The following SLC37A3 variants were observed in gnomAD, a reference collection of about 807,000 sequenced individuals.
The protein encoded by SLC37A3 is sugar phosphate exchanger 3.
Under a neutral mutation model 67.1 loss-of-function variants are expected in SLC37A3, and 51 were observed. The ratio of observed to expected loss-of-function variants is 0.76; its 90% CI spans 0.61 to 0.96. The LOEUF (loss-of-function observed/expected upper bound fraction) is 0.96, where lower values mean the gene tolerates loss of function less well. Ranked by LOEUF, SLC37A3 falls within the 40% of genes least tolerant of loss-of-function variation. The pLI, the probability that SLC37A3 is intolerant of heterozygous loss-of-function variation, is 0.00. For missense variants in SLC37A3, 508 were observed against 603.0 expected, an observed-to-expected ratio of 0.84 and a Z score of 1.65; for synonymous variants, 214 against 231.4, an observed-to-expected ratio of 0.92 and a Z score of 0.68.
At position 140,367,986 on chromosome 7, in the gene SLC37A3, G is replaced by A. The variant is rs182021867; in HGVS notation, c.291+1604C>T. 4.5e-3 allele frequency among the ~76,000 whole-genome samples: 691 copies of A among 151,930 alleles called. 15 individuals are homozygous for A. The highest frequency in any genetic ancestry group is 0.042 in the Admixed American group (647 of 15,240). On this transcript the variant is annotated intron_variant, in intron 4 of 14. Coordinates refer to ENST00000326232, the MANE Select transcript of SLC37A3 (RefSeq NM_207113.3). Reference sequence around the variant, plus strand: ...AGGCACCCACATCTGGCTAATTTTTGTATTTTTATTGGAAATGGGGTTTCT... The same window carrying A: ...AGGCACCCACATCTGGCTAATTTTTATATTTTTATTGGAAATGGGGTTTCT...
intron 3 of SLC37A3, among the ~76,000 whole-genome samples, chr7:140,373,554 G>A (rs1585335994): frequency 6.6e-6 from 1 of 152,174 alleles, no homozygotes; most frequent in South Asian, 2.1e-4. Context: ...TTTCACTGTA[G>A]TACCAAAGAC....
At chr7:140,348,319 A>C in intron 10 of SLC37A3, 1 of 213,420 alleles carries the variant, frequency 4.7e-6, no homozygotes. Context: ...ATTGCATTTA[A>C]AGAGATTCCC....
chr7:140,351,586 G>C, intron 8 of SLC37A3, 135 bp from the exon 9 acceptor site: 1 of 758,064 alleles, frequency 1.3e-6, no homozygotes, highest in Non-Finnish European at 2.1e-6. Flanking sequence ...CAGAGACCGA[G>C]GTCAACTAAG....
intron 1 of SLC37A3, among the ~76,000 whole-genome samples, 175 bp from the exon 2 acceptor site, chr7:140,382,771 T>TA (rs201844351): frequency 0.13 from 17,998 of 136,698 alleles, 1,203 homozygotes; most frequent in South Asian, 0.21. Context: ...AGGTAGTTCT[T>TA]AAAAAAAAAA....
chr7:140,345,362 A>T, intron 11 of SLC37A3, 99 bp from the exon 12 acceptor site: 1 of 854,086 alleles, frequency 1.2e-6, no homozygotes, highest in Non-Finnish European at 2.0e-6. Context: ...GTGACCTCAC[A>T]AATCACTCCC....
At chr7:140,351,237 C>T (rs367886762) in intron 9 of SLC37A3, 36 bp downstream of exon 9, 387 of 1,588,930 alleles carry the variant, frequency 2.4e-4, no homozygotes, top group East Asian at 1.9e-3. Context: ...GGCTCTCATA[C>T]CTCCCTGGCT....
intron 1 of SLC37A3, among the ~76,000 whole-genome samples, chr7:140,387,676 TATAA>T (rs1478910233): frequency 8.7e-5 from 10 of 114,580 alleles, no homozygotes; most frequent in Non-Finnish European, 3.4e-5. Context: ...ATATATTATA[TATAA>T]ATATATTATA....
intron 6 of SLC37A3, among the ~76,000 whole-genome samples, chr7:140,357,501 G>C (rs1797078355): frequency 6.6e-6 from 1 of 151,400 alleles, no homozygotes; most frequent in Non-Finnish European, 1.5e-5. Context: ...GGAGGCCGAG[G>C]CAGAATAGCT....
chr7:140,363,690 TA>T (rs1173376055), intron 5 of SLC37A3, among the ~76,000 whole-genome samples: 9 of 30,620 alleles, frequency 2.9e-4, no homozygotes, highest in East Asian at 9.2e-4. Context: ...GAATGATCAA[TA>T]AAAAAAAAAT....
intron 10 of SLC37A3, among the ~76,000 whole-genome samples, chr7:140,346,384 A>G (rs1796562308): frequency 6.6e-6 from 1 of 152,084 alleles, no homozygotes; most frequent in African/African-American, 2.4e-5. Context: ...TGTCTCAAAA[A>G]AAAATAGGTC....
At chr7:140,396,378 C>T (rs1798928233) in intron 1 of SLC37A3, among the ~76,000 whole-genome samples, 1 of 152,136 alleles carries the variant, frequency 6.6e-6, no homozygotes, top group Non-Finnish European at 1.5e-5. Flanking sequence ...ACTTGAACCT[C>T]ATAAATCCTT....
intron 3 of SLC37A3, among the ~76,000 whole-genome samples, chr7:140,371,471 C>T (rs766073370): frequency 2.0e-5 from 3 of 152,122 alleles, no homozygotes; most frequent in African/African-American, 4.8e-5. Context: ...CGTGCCCGAC[C>T]GAGAGCTACG....
intron 13 of SLC37A3, 35 bp from the exon 14 acceptor site, chr7:140,337,384 C>G: frequency 6.7e-7 from 1 of 1,482,236 alleles, no homozygotes; most frequent in Non-Finnish European, 9.1e-7. Flanking sequence ...CAATATAATT[C>G]TTTATAATTC....
At chr7:140,395,450 G>A (rs187820435) in intron 1 of SLC37A3, among the ~76,000 whole-genome samples, 26 of 149,426 alleles carry the variant, frequency 1.7e-4, no homozygotes, top group African/African-American at 5.9e-4. Flanking sequence ...GCTCACACCT[G>A]TAATCCCAGC....
At chr7:140,369,478 T>C (rs1797734235) in intron 4 of SLC37A3, 112 bp downstream of exon 4, 16 of 719,678 alleles carry the variant, frequency 2.2e-5, no homozygotes, top group Non-Finnish European at 3.4e-5. Flanking sequence ...TCAGAAATAC[T>C]GAACTCTGCC....
chr7:140,350,618 G>T (rs1333949537), intron 9 of SLC37A3, among the ~76,000 whole-genome samples: 2 of 152,068 alleles, frequency 1.3e-5, no homozygotes, highest in African/African-American at 4.8e-5. Flanking sequence ...CAAAAAATTA[G>T]CCAAGCATGG....
At chr7:140,362,398 C>T (rs1316826376) in intron 5 of SLC37A3, among the ~76,000 whole-genome samples, 1 of 129,256 alleles carries the variant, frequency 7.7e-6, no homozygotes, top group African/African-American at 2.8e-5. Context: ...GCCCGGCAGC[C>T]GCCCCGTCCG....
rs1401560871 is a variant in SLC37A3 at position 140,334,097 on chromosome 7, T to C, written c.*1315A>G. On this transcript the variant is annotated 3_prime_UTR_variant, in exon 15 of 15. Coordinates refer to ENST00000326232, the MANE Select transcript of SLC37A3 (RefSeq NM_207113.3). ...TAAAGAACGGACACCCCTCAGGCCC[T>C]AGTAATCCATTCATGTGATTCAATG... 4 of 152,200 alleles carry C rather than the reference T, an allele frequency of 2.6e-5. No individual in the cohort carries two copies. Among genetic ancestry groups the C allele is most frequent in the Non-Finnish European group, 5.9e-5 (4 of 68,018 alleles). 9.4% of individuals were successfully genotyped at this position (152,200 alleles called of 1,614,324 possible).
intron 4 of SLC37A3, among the ~76,000 whole-genome samples, chr7:140,367,237 G>A (rs183849838): frequency 7.9e-5 from 12 of 152,122 alleles, no homozygotes; most frequent in Admixed American, 5.2e-4. Context: ...AGGAGTTTGA[G>A]ACCAGCCTGG....
Sources: gnomAD v4.1 joint callset for allele counts (sites outside exome capture counted in the v4.1 genomes callset) on GRCh38, gnomAD v4.1.1 for gene constraint, MANE v1.5 for transcripts, NCBI Gene and HGNC (gene_info 2026-07-23, HGNC 2026-07-21) for gene names.